KIF13A: variants seen among roughly 807,000 people sequenced by gnomAD.
KIF13A encodes the protein kinesin-like protein KIF13A.
A neutral mutation model predicts 212.2 loss-of-function variants in KIF13A; 79 were observed. The observed-to-expected ratio is 0.37, with a 90% CI of 0.31 to 0.45. The LOEUF (loss-of-function observed/expected upper bound fraction) is 0.45, where lower values mean the gene tolerates loss of function less well. KIF13A is among the 20% of genes least tolerant of loss of function. The probability of loss-of-function intolerance (pLI) is 1.00; values close to 1 mark genes in which losing one functional copy is unlikely to be tolerated. For synonymous variants in KIF13A, 789 were observed against 808.6 expected (o/e 0.98, Z 0.41); for missense variants, 1,901 against 2,209.0 (o/e 0.86, Z 2.79).
In KIF13A at chr6:17,777,630, C is replaced by T. The variant is rs1387223154; in HGVS notation, c.4093-276G>A. Among the ~76,000 whole-genome samples, 2 of 152,114 alleles carry T rather than the reference C, an allele frequency of 1.3e-5. No homozygotes were observed. The highest frequency in any genetic ancestry group is 2.9e-5 in the Non-Finnish European group (2 of 68,032). On this transcript the variant is annotated intron_variant, in intron 33 of 38. Transcript: ENST00000259711. The surrounding 1 kb of genome is among the most constrained non-coding windows in gnomAD (Gnocchi z 4.4). ...AACTCCTGAGCTCAGGCAATCTGCCCACGTCGGCCTCCCAAAGTGTTAGGA... is the reference window on the plus strand; with the variant it reads ...AACTCCTGAGCTCAGGCAATCTGCCTACGTCGGCCTCCCAAAGTGTTAGGA...
In KIF13A at chr6:17,852,046, CG is replaced by C; in HGVS notation, c.495-5del. 6.9e-7 allele frequency: 1 copy of C among 1,452,008 alleles called. No homozygotes were observed. Among genetic ancestry groups the C allele is most frequent in the Non-Finnish European group, 9.1e-7 (1 of 1,094,472 alleles). The allele number at this position is 1,452,008 out of a possible 1,614,324, so 89.9% of individuals were successfully genotyped here. Reference sequence around the variant, plus strand: ...AACTTTAAGAGACTGTCTACTCCTGCGGGAGGGAGGAAAAAGGAATAAATGA... The same window carrying C: ...AACTTTAAGAGACTGTCTACTCCTGCGGAGGGAGGAAAAAGGAATAAATGA... On this transcript the variant is annotated splice_polypyrimidine_tract_variant and splice_region_variant and intron_variant, in intron 6 of 38. Transcript: ENST00000259711.
chr6:17,826,530 A>G lies in KIF13A; in HGVS notation c.1533-406T>C, dbSNP rs892340112. On this transcript the variant is annotated intron_variant, in intron 14 of 38. Coordinates refer to ENST00000259711, the MANE Select transcript of KIF13A (RefSeq NM_022113.6). The surrounding 1 kb of genome is among the most constrained non-coding windows in gnomAD (Gnocchi z 4.7). Reference sequence around the variant, plus strand: ...ACTGTGGGAACCTCTAGGATCAACAATGAGGTGACTTCAACAAATAAAATG... The same window carrying G: ...ACTGTGGGAACCTCTAGGATCAACAGTGAGGTGACTTCAACAAATAAAATG... Among the ~76,000 whole-genome samples, 1 of 152,162 alleles carries G rather than the reference A, an allele frequency of 6.6e-6. No individual in the cohort carries two copies. The highest frequency in any genetic ancestry group is 2.4e-5 in the African/African-American group (1 of 41,442).
intron 2 of KIF13A, among the ~76,000 whole-genome samples, chr6:17,978,072 T>A (rs1780742117): frequency 6.6e-6 from 1 of 152,224 alleles, no homozygotes; most frequent in African/African-American, 2.4e-5. Context: ...CACAGTAACA[T>A]GAAATTAACA....
chr6:17,878,431 CTTTT>C (rs536813179), intron 3 of KIF13A, among the ~76,000 whole-genome samples: 2 of 139,864 alleles, frequency 1.4e-5, no homozygotes, highest in Non-Finnish European at 3.1e-5. Flanking sequence ...CTACCTCTAA[CTTTT>C]TTTTTTTTTT....
rs1313549432 is a variant in KIF13A, at chr6:17,886,371, G to A, written c.159+11797C>T. 2.0e-5 allele frequency among the ~76,000 whole-genome samples: 3 copies of A among 152,290 alleles called. No homozygotes were observed. In the South Asian group the frequency reaches 6.2e-4, roughly 32 times the overall value. On this transcript the variant is annotated intron_variant, in intron 3 of 38. Coordinates refer to ENST00000259711, the MANE Select transcript of KIF13A (RefSeq NM_022113.6). This position sits in a 1 kb window ranked among gnomAD's most constrained non-coding sequence, Gnocchi z 5.6. The stretch of plus-strand genomic sequence containing the variant: ...AAGCTAAAGGACCTGAGGCAGTCCA[G>A]GGGTTGCAAACATTTACTCCCAGTT...
At position 17,808,691 on chromosome 6, in the gene KIF13A, G is replaced by C; in HGVS notation, c.2163+77C>G. ...TCAGGATCTCCTCAGGCATGTTTCT[G>C]GGGTTTCAGTTTTAGATCCTATTTT... is the stretch of plus-strand genomic sequence containing the variant. On this transcript the variant is annotated intron_variant, in intron 18 of 38. Transcript: ENST00000259711. 2.2e-6 allele frequency: 3 copies of C among 1,374,718 alleles called. No individual in the cohort carries two copies. In the South Asian group the frequency reaches 4.3e-5, roughly 20 times the overall value. 85.2% of individuals were successfully genotyped at this position (1,374,718 alleles called of 1,614,324 possible).
At position 17,961,204 on chromosome 6, in the gene KIF13A, C is replaced by T. The variant is rs923980715; in HGVS notation, c.146+25850G>A. ...AGAGCACTTCAAACTGGAGAAAATA[C>T]GGAAGTGGAAACTGGGATGTGCAGC... On this transcript the variant is annotated intron_variant, in intron 2 of 38. Transcript: ENST00000259711. The surrounding 1 kb of genome is among the most constrained non-coding windows in gnomAD (Gnocchi z 4.1). Among the ~76,000 whole-genome samples, 8 of 152,158 alleles carry T rather than the reference C, an allele frequency of 5.3e-5. No individual in the cohort carries two copies. The highest frequency in any genetic ancestry group is 3.4e-3 in the Middle Eastern group (1 of 294).
chr6:17,962,981 C>A (rs769097321), intron 2 of KIF13A, among the ~76,000 whole-genome samples: 2 of 152,236 alleles, frequency 1.3e-5, no homozygotes, highest in Non-Finnish European at 2.9e-5. Context: ...TCCCCTCCCC[C>A]ACTACACTGT....
chr6:17,894,225 G>A (rs946439244), intron 3 of KIF13A, among the ~76,000 whole-genome samples: 8 of 150,976 alleles, frequency 5.3e-5, no homozygotes, highest in African/African-American at 9.8e-5. Context: ...TAAACTTACC[G>A]TGCTCAAGTG....
At position 17,883,040 on chromosome 6, in the gene KIF13A, C is replaced by G. The variant is rs1771222797; in HGVS notation, c.160-9603G>C. On this transcript the variant is annotated intron_variant, in intron 3 of 38. Coordinates refer to ENST00000259711, the MANE Select transcript of KIF13A (RefSeq NM_022113.6). This position sits in a 1 kb window ranked among gnomAD's most constrained non-coding sequence, Gnocchi z 4.8. The stretch of plus-strand genomic sequence containing the variant: ...TTGGTTTCCCTAATCTTTTCATTAC[C>G]AAAAATACTCGGCGAATTTACATTT... 6.6e-6 allele frequency among the ~76,000 whole-genome samples: 1 copy of G among 152,036 alleles called. No homozygotes were observed. The highest frequency in any genetic ancestry group is 1.5e-5 in the Non-Finnish European group (1 of 68,016).
In KIF13A at chr6:17,814,231, A is replaced by G. The variant is rs185622890; in HGVS notation, c.2000+2789T>C. ...CTCCCAAAGTGCTGGGATTACAGGC[A>G]TGAGCTACAGTGCCCGGCTTTTTTT... On this transcript the variant is annotated intron_variant, in intron 17 of 38. Coordinates refer to ENST00000259711, the MANE Select transcript of KIF13A (RefSeq NM_022113.6). Among the ~76,000 whole-genome samples, 1,052 of 131,582 alleles carry G rather than the reference A, an allele frequency of 8.0e-3. 9 individuals carry two copies. Among genetic ancestry groups the G allele is most frequent in the African/African-American group, 0.023 (779 of 34,534 alleles). The allele number at this position is 131,582 out of a possible 152,430, so 86.3% of individuals were successfully genotyped here.
At chr6:17,973,610 T>C (rs1406518623) in intron 2 of KIF13A, among the ~76,000 whole-genome samples, 1 of 152,026 alleles carries the variant, frequency 6.6e-6, no homozygotes, top group African/African-American at 2.4e-5. Context: ...ATCTGAACAT[T>C]ACAACTTAAA....
rs1183652843 is a variant in KIF13A at position 17,785,385 on chromosome 6, T to G, written c.3488+130A>C. 9.7e-7 allele frequency: 1 copy of G among 1,027,934 alleles called. No individual in the cohort carries two copies. Among genetic ancestry groups the G allele is most frequent in the Non-Finnish European group, 1.3e-6 (1 of 742,856 alleles). The allele number at this position is 1,027,934 out of a possible 1,614,324, so 63.7% of individuals were successfully genotyped here. A position where few individuals can be genotyped will look rare whatever the true frequency, so the allele number is the denominator to read the frequency against. ...AAGGGATGGAAGCATTAGAGATGAG[T>G]GGACATTCCCTAAGTAGTTCAGCTG... On this transcript the variant is annotated intron_variant, in intron 28 of 38. Coordinates refer to ENST00000259711, the MANE Select transcript of KIF13A (RefSeq NM_022113.6). The surrounding 1 kb of genome is among the most constrained non-coding windows in gnomAD (Gnocchi z 5.8).
At position 17,987,209 on chromosome 6, in the gene KIF13A, C is replaced by CCGCT. The variant is rs1781650421; in HGVS notation, c.56-66_56-65insAGCG. ...CCGCGCCTCCAGCCCGCCCGCCCGC[C>CCGCT]AGCCGCGCCGAGCGGGGCTCCGTCC... On this transcript the variant is annotated intron_variant, in intron 1 of 38. Transcript: ENST00000259711. This position sits in a 1 kb window ranked among gnomAD's most constrained non-coding sequence, Gnocchi z 7.7. 1 of 1,362,528 alleles carries CCGCT rather than the reference C, an allele frequency of 7.3e-7. No homozygotes were observed. Among genetic ancestry groups the CCGCT allele is most frequent in the Non-Finnish European group, 1.0e-6 (1 of 988,208 alleles). The allele number at this position is 1,362,528 out of a possible 1,614,324, so 84.4% of individuals were successfully genotyped here. A position where few individuals can be genotyped will look rare whatever the true frequency, so the allele number is the denominator to read the frequency against.
At chr6:17,761,328 C>T (rs1409010526), downstream of KIF13A, among the ~76,000 whole-genome samples, 1 of 152,176 alleles carries the variant, frequency 6.6e-6, no homozygotes, top group East Asian at 1.9e-4. Flanking sequence ...GATCTTCCTG[C>T]TCTGGTCTCC....
In KIF13A at chr6:17,768,013, G is replaced by A. The variant is rs1759166411; in HGVS notation, c.4582-3067C>T. Among the ~76,000 whole-genome samples, 1 of 152,196 alleles carries A rather than the reference G, an allele frequency of 6.6e-6. No individual in the cohort carries two copies. Among genetic ancestry groups the A allele is most frequent in the African/African-American group, 2.4e-5 (1 of 41,446 alleles). On this transcript the variant is annotated intron_variant, in intron 38 of 38. Coordinates refer to ENST00000259711, the MANE Select transcript of KIF13A (RefSeq NM_022113.6). This position sits in a 1 kb window ranked among gnomAD's most constrained non-coding sequence, Gnocchi z 5.4. ...CCCAGAGGGAAAGACTAAAACAGTA[G>A]GGACAGCTTATTCCAGAAAAAGGAA...
chr6:17,774,907 C>T (rs1170127747), intron 35 of KIF13A, 108 bp downstream of exon 35: 1 of 683,614 alleles, frequency 1.5e-6, no homozygotes, highest in South Asian at 2.2e-5. Context: ...TTTTTTTAAA[C>T]TGACAGGATC....
intron 25 of KIF13A, among the ~76,000 whole-genome samples, chr6:17,790,662 C>A (rs1017742160): frequency 6.6e-6 from 1 of 152,168 alleles, no homozygotes; most frequent in Non-Finnish European, 1.5e-5. Flanking sequence ...TAGGACCACA[C>A]AGATAATGGC....
chr6:17,945,131 A>T (rs1456918611), intron 2 of KIF13A, among the ~76,000 whole-genome samples: 5 of 152,218 alleles, frequency 3.3e-5, no homozygotes, highest in African/African-American at 7.2e-5. Context: ...AAAGTATTTT[A>T]AAAATGTTAA....
Sources: allele counts gnomAD v4.1 joint callset (sites outside exome capture counted in the v4.1 genomes callset), GRCh38; gene constraint gnomAD v4.1.1; non-coding constraint Gnocchi (gnomAD v3.1); transcripts MANE v1.5; gene names NCBI Gene and HGNC (gene_info 2026-07-23, HGNC 2026-07-21).